EHD2: variants seen among roughly 807,000 people sequenced by gnomAD.
EHD2 encodes EH domain containing 2, also known as EH domain-containing protein 2.
A neutral mutation model predicts 41.0 loss-of-function variants in EHD2; 27 were observed. That is an observed-to-expected ratio of 0.66 (90% CI 0.49 to 0.91). The LOEUF (loss-of-function observed/expected upper bound fraction) is 0.91, where lower values mean the gene tolerates loss of function less well. Ranked by LOEUF, EHD2 falls within the 40% of genes least tolerant of loss-of-function variation. EHD2 has a pLI of 0.00. For synonymous variants in EHD2, 342 were observed against 341.0 expected (o/e 1.00, Z -0.03); for missense variants, 673 against 773.9 (o/e 0.87, Z 1.55).
chr19:47,724,735 A>C (rs1275270999), intron 3 of EHD2, among the ~76,000 whole-genome samples: 1 of 151,962 alleles, frequency 6.6e-6, no homozygotes, highest in Non-Finnish European at 1.5e-5. Context: ...CACACATGAG[A>C]CTCTCAGTAA....
At chr19:47,725,723 G>C in intron 3 of EHD2, 89 bp from the exon 4 acceptor site, 1 of 1,476,694 alleles carries the variant, frequency 6.8e-7, no homozygotes, top group Non-Finnish European at 9.1e-7. Flanking sequence ...AGTCCAATAT[G>C]CAAGAGAATG....
intron 3 of EHD2, among the ~76,000 whole-genome samples, chr19:47,721,165 GT>G (rs1274102773): frequency 3.4e-4 from 11 of 31,978 alleles, no homozygotes; most frequent in Non-Finnish European, 5.7e-4. Flanking sequence ...GCTACTGGGG[GT>G]GTGTGTGTGT....
intron 4 of EHD2, among the ~76,000 whole-genome samples, chr19:47,728,661 C>T (rs558588614): frequency 4.6e-5 from 7 of 151,942 alleles, no homozygotes; most frequent in Middle Eastern, 3.4e-3. Flanking sequence ...CTCCACCTCC[C>T]GGGTTCAAGC....
At chr19:47,731,314 A>AC (rs1160770476) in intron 4 of EHD2, 4 of 113,944 alleles carry the variant, frequency 3.5e-5, no homozygotes, top group Admixed American at 1.9e-4. Flanking sequence ...ATATATATAT[A>AC]ATTTTTTTTT....
intron 4 of EHD2, among the ~76,000 whole-genome samples, chr19:47,730,169 C>T (rs1431044967): frequency 3.3e-5 from 5 of 151,238 alleles, no homozygotes; most frequent in Admixed American, 6.6e-5. Context: ...CCCGGCCCAG[C>T]CCGCCCTCTC....
chr19:47,718,489 G>T lies in EHD2; in HGVS notation c.405-20G>T. On this transcript the variant is annotated intron_variant, in intron 2 of 5. Transcript: ENST00000263277. ...CTTCTGTCCTTCCCTGTTGACCCCT[G>T]ACCCTCCCTCTGCCCCCAGGTTCAT... 1.3e-6 allele frequency: 2 copies of T among 1,559,348 alleles called. No homozygotes were observed. Among genetic ancestry groups the T allele is most frequent in the Non-Finnish European group, 1.7e-6 (2 of 1,150,166 alleles).
In EHD2 at chr19:47,717,017, G is replaced by A; in HGVS notation, c.404+1G>A. 6.3e-7 allele frequency: 1 copy of A among 1,599,536 alleles called. No homozygotes were observed. The highest frequency in any genetic ancestry group is 8.5e-7 in the Non-Finnish European group (1 of 1,179,914). ...CTTTCGGAAACACCTTCCTCAACAGGTGTGCCAGCCGCGAGCCCAGGGCGC... is the reference window on the plus strand; with the variant it reads ...CTTTCGGAAACACCTTCCTCAACAGATGTGCCAGCCGCGAGCCCAGGGCGC... On this transcript the variant is annotated splice_donor_variant, in intron 2 of 5. Transcript: ENST00000263277. LOFTEE classifies it high-confidence loss of function.
Position 47,736,420 on chromosome 19 carries a change from G to A in EHD2, c.967G>A (p.Gly323Arg). The change falls in exon 5 of 6, where the codon GGG (glycine) becomes AGG (arginine). Residue 323 changes from glycine to arginine, a missense_variant. Physicochemically the swap from Gly to Arg is moderately radical, Grantham distance 125 (BLOSUM62 -2). Transcript: ENST00000263277. ...YLKKEMPSVF[G>R]KENKKKQLIL... ...GAAGAAGGAGATGCCCTCTGTGTTTGGGAAGGAGAACAAGAAGAAGCAGCT... is the reference window on the plus strand; with the variant it reads ...GAAGAAGGAGATGCCCTCTGTGTTTAGGAAGGAGAACAAGAAGAAGCAGCT... 1 of 1,613,338 alleles carries A rather than the reference G, an allele frequency of 6.2e-7. No individual in the cohort carries two copies. The highest frequency in any genetic ancestry group is 8.5e-7 in the Non-Finnish European group (1 of 1,179,744).
intron 5 of EHD2, among the ~76,000 whole-genome samples, chr19:47,738,897 A>T (rs998394435): frequency 6.6e-6 from 1 of 152,164 alleles, no homozygotes; most frequent in East Asian, 1.9e-4. Flanking sequence ...CCCGTGTGAG[A>T]AGCAGTGTGA....
Position 47,736,381 on chromosome 19 carries a change from A to C in EHD2, c.928A>C (p.Ile310Leu). The C allele has an allele frequency of 1.9e-6, 3 of 1,613,264 alleles. No homozygotes were observed. The highest frequency in any genetic ancestry group is 2.5e-6 in the Non-Finnish European group (3 of 1,179,732). ...RARLVRVHAY[I>L]ISYLKKEMPS... ...ACCCTTCCCACAGGTTCACGCTTAC[A>C]TCATCAGCTACCTGAAGAAGGAGAT... Residue 310 changes from isoleucine to leucine, a missense_variant, in exon 5 of 6, where the codon ATC (isoleucine) becomes CTC (leucine). Ile to Leu is a conservative substitution (Grantham distance 5). Transcript: ENST00000263277.
chr19:47,730,174 C>G (rs1325431601), intron 4 of EHD2, among the ~76,000 whole-genome samples: 1 of 151,782 alleles, frequency 6.6e-6, no homozygotes, highest in Non-Finnish European at 1.5e-5. Context: ...CCCAGCCCGC[C>G]CTCTCACCTT....
At chr19:47,723,031 G>A (rs958717386) in intron 3 of EHD2, among the ~76,000 whole-genome samples, 1 of 152,150 alleles carries the variant, frequency 6.6e-6, no homozygotes, top group Non-Finnish European at 1.5e-5. Flanking sequence ...TTAACTCTTC[G>A]TCCTCCGGGT....
chr19:47,736,831 T>C (rs1966928122), intron 5 of EHD2, among the ~76,000 whole-genome samples: 1 of 152,200 alleles, frequency 6.6e-6, no homozygotes, highest in South Asian at 2.1e-4. Context: ...TCTAGTCCCC[T>C]TCTGTCTTAT....
At chr19:47,735,579 T>TA (rs1966912743) in intron 4 of EHD2, among the ~76,000 whole-genome samples, 2 of 147,634 alleles carry the variant, frequency 1.4e-5, no homozygotes, top group South Asian at 2.1e-4. Context: ...GGCTGGGTGA[T>TA]AGAGCGAGAC....
At chr19:47,740,704 C>G (rs958289343) in intron 5 of EHD2, among the ~76,000 whole-genome samples, 177 bp from the exon 6 acceptor site, 5 of 152,122 alleles carry the variant, frequency 3.3e-5, no homozygotes, top group Non-Finnish European at 7.4e-5. Flanking sequence ...CGAGATTGTG[C>G]CATTTGCACT....
chr19:47,739,701 G>A (rs1446298429), intron 5 of EHD2, among the ~76,000 whole-genome samples: 1 of 150,510 alleles, frequency 6.6e-6, no homozygotes, highest in Non-Finnish European at 1.5e-5. Context: ...TCCCACCTCA[G>A]CCTCCCAAAG....
chr19:47,715,805 T>C (rs893842394), intron 1 of EHD2, among the ~76,000 whole-genome samples: 3 of 152,028 alleles, frequency 2.0e-5, no homozygotes, highest in African/African-American at 7.2e-5. Flanking sequence ...TGAAATGGAG[T>C]GTCGCTCTGT....
intron 4 of EHD2, among the ~76,000 whole-genome samples, chr19:47,731,826 C>T (rs373131658): frequency 0.015 from 1,937 of 129,422 alleles, 25 homozygotes; most frequent in Middle Eastern, 0.042. Context: ...CTCGCTCTGT[C>T]GCCTAGGCTG....
At position 47,725,441 on chromosome 19, in the gene EHD2, C is replaced by T. The variant is rs1442533145; in HGVS notation, c.503-371C>T. Among the ~76,000 whole-genome samples, 5 of 149,416 alleles carry T rather than the reference C, an allele frequency of 3.3e-5. 1 individual carries two copies. Among genetic ancestry groups the T allele is most frequent in the East Asian group, 2.0e-4 (1 of 5,118 alleles). ...AAAATTAGCCAGGTGTGGTGATGCG[C>T]GCCTGCAGTCCCAGCTACTAGGGAG... is the stretch of plus-strand genomic sequence containing the variant. On this transcript the variant is annotated intron_variant, in intron 3 of 5. Coordinates refer to ENST00000263277, the MANE Select transcript of EHD2 (RefSeq NM_014601.4).
Sources: allele counts gnomAD v4.1 joint callset (sites outside exome capture counted in the v4.1 genomes callset), GRCh38; gene constraint gnomAD v4.1.1; transcripts MANE v1.5; gene names NCBI Gene and HGNC (gene_info 2026-07-23, HGNC 2026-07-21).